Variants in PCDHGA4 observed in about 807,000 individuals in gnomAD.
PCDHGA4 encodes the protein protocadherin gamma subfamily A, 4.
Under a neutral mutation model 54.6 loss-of-function variants are expected in PCDHGA4, and 38 were observed. The ratio of observed to expected loss-of-function variants is 0.70; its 90% CI spans 0.54 to 0.91. The LOEUF is 0.91. Ranked by LOEUF, PCDHGA4 falls within the 40% of genes least tolerant of loss-of-function variation. The pLI, the probability that PCDHGA4 is intolerant of heterozygous loss-of-function variation, is 0.00. For missense variants in PCDHGA4, 1,298 were observed against 1,220.9 expected, an observed-to-expected ratio of 1.06 and a Z score of -0.94; for synonymous variants, 511 against 512.9, an observed-to-expected ratio of 1.00 and a Z score of 0.05.
Position 141,423,286 on chromosome 5 carries a change from ACCT to A in PCDHGA4, c.2514+65667_2514+65669del, listed in dbSNP as rs554024395. 8.7e-3 allele frequency: 13,966 copies of A among 1,613,746 alleles called. 98 individuals are homozygous for A. The highest frequency in any genetic ancestry group is 0.011 in the Middle Eastern group (68 of 6,062). ...CCTCGAGTCTCTGGCTAACTCTGAAACCTCAGACCTCTCGCTGTACTTGGTGGT... is the reference window on the plus strand; with the variant it reads ...CCTCGAGTCTCTGGCTAACTCTGAAACAGACCTCTCGCTGTACTTGGTGGT... On this transcript the variant is annotated intron_variant, in intron 1 of 3. Transcript: ENST00000571252.
At chr5:141,385,013 T>C (rs1588986326) in intron 1 of PCDHGA4, 1 of 1,614,162 alleles carries the variant, frequency 6.2e-7, no homozygotes, top group Non-Finnish European at 8.5e-7. Context: ...TGCGTCTTCC[T>C]AGCCTTCGTC....
At chr5:141,389,014 A>G (rs768171301) in intron 1 of PCDHGA4, 54 of 1,614,000 alleles carry the variant, frequency 3.3e-5, no homozygotes, top group Non-Finnish European at 4.5e-5. Flanking sequence ...TCCAGACACA[A>G]TGGAGAAGTG....
chr5:141,398,915 A>G, intron 1 of PCDHGA4: 1 of 1,614,002 alleles, frequency 6.2e-7, no homozygotes, highest in Non-Finnish European at 8.5e-7. Context: ...ACTGTGTTGC[A>G]AGTGTCAGCC....
intron 1 of PCDHGA4, chr5:141,375,368 A>G (rs774708513): frequency 1.9e-6 from 3 of 1,613,754 alleles, no homozygotes; most frequent in East Asian, 4.5e-5. Context: ...GGACAAAGGA[A>G]CACCACCTCT....
intron 1 of PCDHGA4, chr5:141,399,976 CTGCGCACAGGAGAGG>C: frequency 1.2e-6 from 2 of 1,612,242 alleles, no homozygotes; most frequent in Non-Finnish European, 8.5e-7. Context: ...CAGCCTGGGG[CTGCGCACAGGAGAGG>C]TGCGCACAGC....
At chr5:141,362,547 T>G (rs1392126264) in intron 1 of PCDHGA4, 19 of 1,613,406 alleles carry the variant, frequency 1.2e-5, no homozygotes, top group Admixed American at 1.7e-5. Flanking sequence ...CCTCAGATAC[T>G]ATTTTGAAGG....
intron 3 of PCDHGA4, among the ~76,000 whole-genome samples, chr5:141,510,162 A>C (rs947806998): frequency 6.6e-6 from 1 of 151,838 alleles, no homozygotes; most frequent in Non-Finnish European, 1.5e-5. Flanking sequence ...AATCTCAGCT[A>C]CTCAGGAGGT....
chr5:141,487,826 T>C lies in PCDHGA4; in HGVS notation c.2515-6981T>C, dbSNP rs1321152837. 24 of 1,187,814 alleles carry C rather than the reference T, an allele frequency of 2.0e-5. No homozygotes were observed. The highest frequency in any genetic ancestry group is 2.8e-5 in the Non-Finnish European group (24 of 856,356). The allele number at this position is 1,187,814 out of a possible 1,614,324, so 73.6% of individuals were successfully genotyped here. On this transcript the variant is annotated intron_variant, in intron 1 of 3. Coordinates refer to ENST00000571252, the MANE Select transcript of PCDHGA4 (RefSeq NM_018917.4). The surrounding 1 kb of genome is among the most constrained non-coding windows in gnomAD (Gnocchi z 5.0). ...ACAGTTTAGCATTGGGGGCGGGTCA[T>C]GCCTATATCTGAGTAAGAAATGAAA... is the stretch of plus-strand genomic sequence containing the variant.
chr5:141,474,242 G>A (rs575397598), intron 1 of PCDHGA4, among the ~76,000 whole-genome samples: 1 of 152,192 alleles, frequency 6.6e-6, no homozygotes, highest in African/African-American at 2.4e-5. Context: ...GCTGAATAGG[G>A]GAAAAAAAGA....
chr5:141,384,510 C>T (rs1038523588), intron 1 of PCDHGA4: 16 of 1,614,028 alleles, frequency 9.9e-6, no homozygotes, highest in African/African-American at 2.7e-5. Flanking sequence ...CACATGACAG[C>T]GGGGACCCGC....
At position 141,490,819 on chromosome 5, in the gene PCDHGA4, C is replaced by T; in HGVS notation, c.2515-3988C>T. Reference sequence around the variant, plus strand: ...CCAGCGTACCTTTGACTATGAATTGCTGCAGATGCTGCAGATTGTGGTGGG... The same window carrying T: ...CCAGCGTACCTTTGACTATGAATTGTTGCAGATGCTGCAGATTGTGGTGGG... On this transcript the variant is annotated intron_variant, in intron 1 of 3. Transcript: ENST00000571252. This position sits in a 1 kb window ranked among gnomAD's most constrained non-coding sequence, Gnocchi z 5.4. 2 of 1,613,842 alleles carry T rather than the reference C, an allele frequency of 1.2e-6. No individual in the cohort carries two copies. Among genetic ancestry groups the T allele is most frequent in the Non-Finnish European group, 8.5e-7 (1 of 1,179,804 alleles).
chr5:141,437,165 T>A (rs62379162), intron 1 of PCDHGA4, among the ~76,000 whole-genome samples: 3,747 of 152,330 alleles, frequency 0.025, 69 homozygotes, highest in Middle Eastern at 0.085. Context: ...TGTTGATTGT[T>A]TTCTGAGACT....
intron 1 of PCDHGA4, chr5:141,423,612 T>G: frequency 6.2e-7 from 1 of 1,611,004 alleles, no homozygotes; most frequent in Non-Finnish European, 8.5e-7. Flanking sequence ...TCTTGATAGC[T>G]GAAGACTCAG....
chr5:141,431,774 G>T lies in PCDHGA4; in HGVS notation c.2515-63033G>T. Reference sequence around the variant, plus strand: ...AGCCAAAGTCCTGATCACTGTTCTGGACGTGAACGACAATGCCCCAGAAGT... The same window carrying T: ...AGCCAAAGTCCTGATCACTGTTCTGTACGTGAACGACAATGCCCCAGAAGT... On this transcript the variant is annotated intron_variant, in intron 1 of 3. Transcript: ENST00000571252. This position sits in a 1 kb window ranked among gnomAD's most constrained non-coding sequence, Gnocchi z 4.8. 5 of 1,614,204 alleles carry T rather than the reference G, an allele frequency of 3.1e-6. No individual in the cohort carries two copies. The highest frequency in any genetic ancestry group is 4.2e-6 in the Non-Finnish European group (5 of 1,180,038).
At chr5:141,379,974 A>ACTGCAACTTC (rs1471397851) in intron 1 of PCDHGA4, among the ~76,000 whole-genome samples, 23 of 128,142 alleles carry the variant, frequency 1.8e-4, no homozygotes, top group African/African-American at 6.6e-4. Context: ...ATCTCTGCTC[A>ACTGCAACTTC]CTGCAACTTC....
chr5:141,390,436 C>A, intron 1 of PCDHGA4: 1 of 949,978 alleles, frequency 1.1e-6, no homozygotes, highest in Non-Finnish European at 1.5e-6. Flanking sequence ...TCATATCATT[C>A]TACAAAGGAG....
At position 141,477,039 on chromosome 5, in the gene PCDHGA4, G is replaced by C. The variant is rs1313580652; in HGVS notation, c.2515-17768G>C. Reference sequence around the variant, plus strand: ...GTAACCGGGATGCTGACAATCAAGGGTCGGCTGGACTTCGAGGACACCAAA... The same window carrying C: ...GTAACCGGGATGCTGACAATCAAGGCTCGGCTGGACTTCGAGGACACCAAA... On this transcript the variant is annotated intron_variant, in intron 1 of 3. Coordinates refer to ENST00000571252, the MANE Select transcript of PCDHGA4 (RefSeq NM_018917.4). This position sits in a 1 kb window ranked among gnomAD's most constrained non-coding sequence, Gnocchi z 4.9. 1 of 1,614,144 alleles carries C rather than the reference G, an allele frequency of 6.2e-7. No individual in the cohort carries two copies. The highest frequency in any genetic ancestry group is 8.5e-7 in the Non-Finnish European group (1 of 1,180,056).
intron 1 of PCDHGA4, chr5:141,422,289 T>A: frequency 1.3e-6 from 2 of 1,553,678 alleles, no homozygotes; most frequent in Non-Finnish European, 1.7e-6. Context: ...CCTCTTCTAT[T>A]AATTCAATTC....
At position 141,364,741 on chromosome 5, in the gene PCDHGA4, G is replaced by C. The variant is rs774257321; in HGVS notation, c.2514+7120G>C. 5.6e-6 allele frequency: 9 copies of C among 1,613,840 alleles called. No homozygotes were observed. In the Admixed American group the frequency reaches 1.5e-4, roughly 27 times the overall value. Reference sequence around the variant, plus strand: ...ACTTCCCGCGTTTCCGGGATGAAGAGTTAAAAGTAAAAGTTAATGAAAATG... The same window carrying C: ...ACTTCCCGCGTTTCCGGGATGAAGACTTAAAAGTAAAAGTTAATGAAAATG... On this transcript the variant is annotated intron_variant, in intron 1 of 3. Transcript: ENST00000571252.
Sources: allele counts gnomAD v4.1 joint callset (sites outside exome capture counted in the v4.1 genomes callset), GRCh38; gene constraint gnomAD v4.1.1; non-coding constraint Gnocchi (gnomAD v3.1); transcripts MANE v1.5; gene names NCBI Gene and HGNC (gene_info 2026-07-23, HGNC 2026-07-21).